The following CTNNA2 variants were observed in gnomAD, a reference collection of about 807,000 sequenced individuals.
CTNNA2 encodes catenin alpha 2, also known as catenin alpha-2.
CTNNA2 carries 42 observed loss-of-function variants against 101.0 expected under a neutral mutation model. The observed-to-expected ratio is 0.42, with a 90% CI of 0.32 to 0.54. The LOEUF (loss-of-function observed/expected upper bound fraction) is 0.54. CTNNA2 is among the 20% of genes least tolerant of loss of function. The pLI is 0.14. For synonymous variants in CTNNA2, 450 were observed against 456.4 expected, an observed-to-expected ratio of 0.99 and a Z score of 0.18; for missense variants, 871 against 1,223.1, an observed-to-expected ratio of 0.71 and a Z score of 4.29.
At chr2:79,198,227 T>C (rs1170653386) in intron 2 of CTNNA2, among the ~76,000 whole-genome samples, 1 of 152,208 alleles carries the variant, frequency 6.6e-6, no homozygotes, top group Non-Finnish European at 1.5e-5. Flanking sequence ...TAGAAGGATA[T>C]ACACCAAATT....
intron 14 of CTNNA2, among the ~76,000 whole-genome samples, chr2:80,582,511 C>T (rs1695625223): frequency 6.6e-6 from 1 of 152,118 alleles, no homozygotes; most frequent in Non-Finnish European, 1.5e-5. Flanking sequence ...TGATACTGTT[C>T]ACCAATGCAT....
At chr2:80,133,245 G>A (rs921296760) in intron 7 of CTNNA2, among the ~76,000 whole-genome samples, 1 of 152,156 alleles carries the variant, frequency 6.6e-6, no homozygotes, top group Non-Finnish European at 1.5e-5. Flanking sequence ...TGAGCTGGAA[G>A]AGGCGAGGAA....
At chr2:79,335,402 A>T (rs1676972272) in intron 3 of CTNNA2, among the ~76,000 whole-genome samples, 1 of 152,220 alleles carries the variant, frequency 6.6e-6, no homozygotes, top group Non-Finnish European at 1.5e-5. Context: ...TAGAGGTCAC[A>T]TCGTCATTCT....
intron 9 of CTNNA2, among the ~76,000 whole-genome samples, chr2:80,510,168 G>C (rs1688599122): frequency 6.6e-6 from 1 of 152,014 alleles, no homozygotes; most frequent in Non-Finnish European, 1.5e-5. Flanking sequence ...TGAGTTCCTT[G>C]GTATACTTAA....
At chr2:79,657,657 T>C (rs540731961) in intron 2 of CTNNA2, among the ~76,000 whole-genome samples, 2 of 151,892 alleles carry the variant, frequency 1.3e-5, no homozygotes, top group South Asian at 4.1e-4. Context: ...TTCTATGTCA[T>C]TTGAAAATTT....
In CTNNA2 at chr2:79,899,471, A is replaced by C. The variant is rs79954467; in HGVS notation, c.853-10123A>C. 7.1e-3 allele frequency among the ~76,000 whole-genome samples: 1,080 copies of C among 152,296 alleles called. 15 individuals carry two copies. Among genetic ancestry groups the C allele is most frequent in the African/African-American group, 0.025 (1,034 of 41,558 alleles). On this transcript the variant is annotated intron_variant, in intron 6 of 18. Coordinates refer to ENST00000402739, the MANE Select transcript of CTNNA2 (RefSeq NM_001282597.3). ...TCCAGTAGGAACAGCCCAGAGCTGA[A>C]CTTCCTCGCCCAGTTTATTCATTTG...
At chr2:79,652,822 T>C (rs1681353858) in intron 2 of CTNNA2, among the ~76,000 whole-genome samples, 1 of 152,098 alleles carries the variant, frequency 6.6e-6, no homozygotes, top group South Asian at 2.1e-4. Context: ...TACACCACAT[T>C]CTCAGGTCTC....
intron 2 of CTNNA2, among the ~76,000 whole-genome samples, chr2:79,219,105 A>AT (rs775581225): frequency 2.8e-4 from 43 of 152,186 alleles, no homozygotes; most frequent in African/African-American, 4.8e-4. Flanking sequence ...ACTTCCTCCT[A>AT]TTTTTTCCCT....
In CTNNA2 at chr2:79,903,222, T is replaced by C. The variant is rs1193158321; in HGVS notation, c.853-6372T>C. 2.6e-5 allele frequency among the ~76,000 whole-genome samples: 4 copies of C among 152,142 alleles called. No homozygotes were observed. In the East Asian group the frequency reaches 5.8e-4, roughly 22 times the overall value. ...CTATATATTTTCAAATCCTGCCAGA[T>C]TGACATTCTACATTTTTCTTAAATT... On this transcript the variant is annotated intron_variant, in intron 6 of 18. Coordinates refer to ENST00000402739, the MANE Select transcript of CTNNA2 (RefSeq NM_001282597.3).
chr2:80,519,611 C>T (rs188300542), intron 9 of CTNNA2, among the ~76,000 whole-genome samples: 1 of 152,196 alleles, frequency 6.6e-6, no homozygotes, highest in Non-Finnish European at 1.5e-5. Flanking sequence ...AGAACTAATT[C>T]CTTGACCTGA....
chr2:80,546,839 G>C (rs77377951), intron 11 of CTNNA2, among the ~76,000 whole-genome samples: 2,320 of 152,274 alleles, frequency 0.015, 61 homozygotes, highest in African/African-American at 0.053. Flanking sequence ...GTGAGGAGGA[G>C]GTCACTGGAA....
chr2:80,493,029 A>T (rs971513658), intron 9 of CTNNA2, among the ~76,000 whole-genome samples: 2 of 152,220 alleles, frequency 1.3e-5, no homozygotes, highest in Admixed American at 6.5e-5. Context: ...AATGGTACAT[A>T]GCAGCTGAAA....
chr2:79,663,555 A>G (rs959833475), intron 2 of CTNNA2, among the ~76,000 whole-genome samples: 4 of 152,092 alleles, frequency 2.6e-5, no homozygotes, highest in Admixed American at 6.5e-5. Context: ...CTGCCCTTCT[A>G]CTGCTGTGAC....
chr2:79,753,349 C>T (rs1470273787), intron 3 of CTNNA2, among the ~76,000 whole-genome samples: 1 of 152,162 alleles, frequency 6.6e-6, no homozygotes, highest in African/African-American at 2.4e-5. Context: ...GAAAGCTGTG[C>T]TTTGAATGAT....
intron 1 of CTNNA2, among the ~76,000 whole-genome samples, chr2:79,553,923 A>G (rs990350519): frequency 2.0e-5 from 3 of 152,170 alleles, no homozygotes; most frequent in Admixed American, 1.3e-4. Flanking sequence ...CTTTGCAGCT[A>G]TCTACTTAGG....
At chr2:80,132,619 A>G (rs1053128125) in intron 7 of CTNNA2, among the ~76,000 whole-genome samples, 3 of 152,156 alleles carry the variant, frequency 2.0e-5, no homozygotes, top group African/African-American at 7.2e-5. Flanking sequence ...AATACTCAGC[A>G]GTGAACTGGA....
At chr2:80,230,392 G>A (rs1430665781) in intron 7 of CTNNA2, among the ~76,000 whole-genome samples, 1 of 151,076 alleles carries the variant, frequency 6.6e-6, no homozygotes, top group South Asian at 2.1e-4. Flanking sequence ...CACTGCACTG[G>A]TCTATATTCA....
At chr2:80,469,709 A>G (rs1268521041) in intron 9 of CTNNA2, among the ~76,000 whole-genome samples, 1 of 152,078 alleles carries the variant, frequency 6.6e-6, no homozygotes, top group Non-Finnish European at 1.5e-5. Flanking sequence ...GGGCATAGAC[A>G]TGTTGGTACC....
chr2:80,200,868 G>GT (rs11390757), intron 7 of CTNNA2, among the ~76,000 whole-genome samples: 32,219 of 147,442 alleles, frequency 0.22, 5,193 homozygotes, highest in African/African-American at 0.45. Context: ...GATAGCCTTG[G>GT]TTTTTTTTTT....
Sources: allele counts gnomAD v4.1 joint callset (sites outside exome capture counted in the v4.1 genomes callset), GRCh38; gene constraint gnomAD v4.1.1; transcripts MANE v1.5; gene names NCBI Gene and HGNC (gene_info 2026-07-23, HGNC 2026-07-21).